Variants in PDE4D observed in about 807,000 individuals in gnomAD.
PDE4D encodes the protein phosphodiesterase 4D.
Under a neutral mutation model 87.4 loss-of-function variants are expected in PDE4D, and 24 were observed. That is an observed-to-expected ratio of 0.27 (90% CI 0.20 to 0.39). PDE4D has a LOEUF of 0.39. Ranked by LOEUF, PDE4D falls within the 10% of genes least tolerant of loss-of-function variation. PDE4D has a pLI of 1.00. For missense variants in PDE4D, 714 were observed against 1,041.0 expected, an observed-to-expected ratio of 0.69 and a Z score of 4.32; for synonymous variants, 384 against 383.2, an observed-to-expected ratio of 1.00 and a Z score of -0.02.
chr5:60,155,478 T>G (rs1201168310), intron 2 of PDE4D, among the ~76,000 whole-genome samples: 1 of 152,220 alleles, frequency 6.6e-6, no homozygotes, highest in East Asian at 1.9e-4. Context: ...CTTTATATAT[T>G]CTGCATTCAA....
Position 59,881,664 on chromosome 5 carries a change from C to A in PDE4D, c.455+11504G>T, listed in dbSNP as rs1749445490. ...GGAGTTCAATTATTTATTAATAATT[C>A]TTTCAGTTCAAGCAATGTACAAATA... On this transcript the variant is annotated intron_variant, in intron 1 of 14. Coordinates refer to ENST00000340635, the MANE Select transcript of PDE4D (RefSeq NM_001104631.2). Among the ~76,000 whole-genome samples, 3 of 151,960 alleles carry A rather than the reference C, an allele frequency of 2.0e-5. No individual in the cohort carries two copies. In the South Asian group the frequency reaches 6.2e-4, roughly 32 times the overall value.
chr5:59,889,344 G>A (rs186546590), intron 1 of PDE4D, among the ~76,000 whole-genome samples: 171 of 151,638 alleles, frequency 1.1e-3, no homozygotes, highest in African/African-American at 4.0e-3. Context: ...AGTCAGGCAT[G>A]GTGGTTCATG....
intron 1 of PDE4D, among the ~76,000 whole-genome samples, chr5:59,543,772 C>T (rs955013970): frequency 6.6e-6 from 1 of 152,066 alleles, no homozygotes; most frequent in Non-Finnish European, 1.5e-5. Flanking sequence ...ACTGAGGTTC[C>T]ACGTCAGGCA....
intron 1 of PDE4D, among the ~76,000 whole-genome samples, chr5:60,440,934 A>G (rs1673115931): frequency 6.6e-6 from 1 of 152,130 alleles, no homozygotes; most frequent in African/African-American, 2.4e-5. Context: ...CTAGCTTCAG[A>G]GTACATGTTA....
intron 2 of PDE4D, among the ~76,000 whole-genome samples, chr5:60,057,230 T>G (rs1423024727): frequency 6.6e-6 from 1 of 151,982 alleles, no homozygotes; most frequent in Non-Finnish European, 1.5e-5. Context: ...AGATGCTAAG[T>G]AAATGAAAAT....
rs1270567248 is a variant in PDE4D at position 59,497,604 on chromosome 5, T to C, written c.456-281636A>G. 2.6e-5 allele frequency among the ~76,000 whole-genome samples: 4 copies of C among 152,074 alleles called. No homozygotes were observed. The East Asian group carries it at 7.7e-4, about 29-fold the overall frequency. ...AGAATGAATTTCAGGGCTCGAAGAC[T>C]AGCTTTCTGAATCAACCCAGGCAGG... On this transcript the variant is annotated intron_variant, in intron 1 of 14. Transcript: ENST00000340635.
chr5:60,137,192 C>A (rs1780131328), intron 2 of PDE4D, among the ~76,000 whole-genome samples: 1 of 152,124 alleles, frequency 6.6e-6, no homozygotes, highest in African/African-American at 2.4e-5. Context: ...ACCACATTTT[C>A]TTTACCAAAT....
intron 5 of PDE4D, among the ~76,000 whole-genome samples, chr5:59,173,401 G>T (rs1163294791): frequency 6.6e-6 from 1 of 152,136 alleles, no homozygotes; most frequent in Non-Finnish European, 1.5e-5. Context: ...GACTTTTACT[G>T]CTCTAAAAGA....
chr5:60,487,208 C>T (rs1203859773), intron 1 of PDE4D, among the ~76,000 whole-genome samples: 1 of 152,196 alleles, frequency 6.6e-6, no homozygotes. Context: ...AACCTAATAA[C>T]GGCTTCCCTG....
At chr5:59,493,294 G>A (rs1005706579) in intron 1 of PDE4D, among the ~76,000 whole-genome samples, 1 of 152,146 alleles carries the variant, frequency 6.6e-6, no homozygotes, top group Non-Finnish European at 1.5e-5. Flanking sequence ...TACTAAAGCA[G>A]TTCATAACAC....
intron 1 of PDE4D, among the ~76,000 whole-genome samples, chr5:59,680,016 C>G (rs1200348280): frequency 6.6e-6 from 1 of 152,070 alleles, no homozygotes; most frequent in Admixed American, 6.5e-5. Context: ...ACGAAATACA[C>G]TTTTACATTT....
chr5:59,542,347 G>C (rs1162696201), intron 1 of PDE4D, among the ~76,000 whole-genome samples: 3 of 152,118 alleles, frequency 2.0e-5, no homozygotes, highest in Non-Finnish European at 4.4e-5. Context: ...ACTGTACAGA[G>C]AGTACAGACA....
At chr5:60,223,543 A>C (rs1744743285) in intron 1 of PDE4D, among the ~76,000 whole-genome samples, 1 of 152,068 alleles carries the variant, frequency 6.6e-6, no homozygotes, top group Admixed American at 6.6e-5. Flanking sequence ...CTTTGTTCAG[A>C]ACTTCTGATG....
intron 1 of PDE4D, among the ~76,000 whole-genome samples, chr5:59,872,607 C>T (rs1747991396): frequency 6.6e-6 from 1 of 152,158 alleles, no homozygotes; most frequent in Non-Finnish European, 1.5e-5. Context: ...AGTTCTAGTT[C>T]TTTCTCCTCC....
chr5:59,072,716 T>C (rs1465624828), intron 5 of PDE4D, among the ~76,000 whole-genome samples: 2 of 152,246 alleles, frequency 1.3e-5, no homozygotes, highest in East Asian at 3.8e-4. Context: ...GTCTTCATGT[T>C]GTTTTTTTGT....
chr5:60,045,716 A>C (rs1769145069), intron 2 of PDE4D, among the ~76,000 whole-genome samples: 1 of 151,986 alleles, frequency 6.6e-6, no homozygotes, highest in Non-Finnish European at 1.5e-5. Context: ...TGTTCCATTG[A>C]TCTATATGTC....
At chr5:59,228,726 C>G (rs552080104) in intron 1 of PDE4D, among the ~76,000 whole-genome samples, 1 of 152,106 alleles carries the variant, frequency 6.6e-6, no homozygotes, top group Non-Finnish European at 1.5e-5. Flanking sequence ...GAAAATACTA[C>G]GTTCTCCCAA....
intron 2 of PDE4D, among the ~76,000 whole-genome samples, chr5:60,166,067 G>A (rs1036921577): frequency 1.3e-5 from 2 of 152,034 alleles, no homozygotes; most frequent in South Asian, 2.1e-4. Context: ...TAGTTACCAT[G>A]AGGCTTATAA....
intron 1 of PDE4D, among the ~76,000 whole-genome samples, chr5:59,401,780 G>C (rs903756459): frequency 1.3e-5 from 2 of 152,198 alleles, no homozygotes; most frequent in African/African-American, 4.8e-5. Context: ...CGCTCAGCAA[G>C]GGAACTGTGC....
Sources: allele counts gnomAD v4.1 joint callset (sites outside exome capture counted in the v4.1 genomes callset), GRCh38; gene constraint gnomAD v4.1.1; transcripts MANE v1.5; gene names NCBI Gene and HGNC (gene_info 2026-07-23, HGNC 2026-07-21).